Variants in BMP7 observed in about 807,000 individuals in gnomAD.
BMP7 encodes the protein bone morphogenetic protein 7.
BMP7 carries 12 observed loss-of-function variants against 41.2 expected under a neutral mutation model. That is an observed-to-expected ratio of 0.29 (90% CI 0.19 to 0.47). The LOEUF is 0.47. Among genes scored for constraint, BMP7 ranks in the 20% least tolerant of loss-of-function variants. BMP7 has a pLI of 0.99. For missense variants in BMP7, 467 were observed against 606.0 expected (o/e 0.77, Z 2.41); for synonymous variants, 248 against 250.0 (o/e 0.99, Z 0.07).
chr20:57,212,681 G>C (rs1289845066), intron 2 of BMP7, among the ~76,000 whole-genome samples: 1 of 152,232 alleles, frequency 6.6e-6, no homozygotes, highest in African/African-American at 2.4e-5. Flanking sequence ...ACAGGCTTGC[G>C]GCTGCGGTGA....
At chr20:57,210,914 G>A (rs1381457571) in intron 2 of BMP7, among the ~76,000 whole-genome samples, 2 of 152,248 alleles carry the variant, frequency 1.3e-5, no homozygotes, top group Non-Finnish European at 2.9e-5. Flanking sequence ...GGCTGAACGA[G>A]GATTAGACAC....
chr20:57,196,431 T>C (rs1984493127), intron 3 of BMP7, among the ~76,000 whole-genome samples: 1 of 152,212 alleles, frequency 6.6e-6, no homozygotes, highest in Non-Finnish European at 1.5e-5. Flanking sequence ...CAAATCTTCA[T>C]TTTGTTCAAG....
chr20:57,175,887 C>T (rs1983913069), intron 4 of BMP7, among the ~76,000 whole-genome samples: 1 of 152,182 alleles, frequency 6.6e-6, no homozygotes, highest in Non-Finnish European at 1.5e-5. Context: ...CAAGCTCACT[C>T]CCACCGCAGG....
chr20:57,178,273 G>A (rs1262135694), intron 4 of BMP7, among the ~76,000 whole-genome samples: 2 of 152,200 alleles, frequency 1.3e-5, no homozygotes, highest in South Asian at 2.1e-4. Flanking sequence ...ATCAGAGGCA[G>A]GCACTGAGCC....
chr20:57,175,085 T>C, intron 4 of BMP7, 78 bp from the exon 5 acceptor site: 1 of 1,427,808 alleles, frequency 7.0e-7, no homozygotes, highest in Non-Finnish European at 9.6e-7. Flanking sequence ...CCCTCCATCT[T>C]AGGCAGTGAT....
chr20:57,234,173 C>G (rs1568724643), intron 1 of BMP7, among the ~76,000 whole-genome samples: 1 of 152,222 alleles, frequency 6.6e-6, no homozygotes, highest in Non-Finnish European at 1.5e-5. Context: ...GAGCCACCAT[C>G]TTGTTCCATG....
chr20:57,177,936 T>C (rs1034507208), intron 4 of BMP7: 3 of 151,988 alleles, frequency 2.0e-5, no homozygotes, highest in Non-Finnish European at 4.4e-5. Flanking sequence ...ATGAGATGAG[T>C]CCCAGGTGTA....
At chr20:57,183,507 G>A (rs1984134522) in intron 4 of BMP7, among the ~76,000 whole-genome samples, 1 of 152,130 alleles carries the variant, frequency 6.6e-6, no homozygotes, top group Non-Finnish European at 1.5e-5. Context: ...TGTGTTATAC[G>A]AATGTTTTGC....
chr20:57,199,305 T>C (rs1984570380), intron 3 of BMP7, among the ~76,000 whole-genome samples: 1 of 152,188 alleles, frequency 6.6e-6, no homozygotes, highest in African/African-American at 2.4e-5. Flanking sequence ...CAGGCTGCCC[T>C]AGGCACCGTG....
At chr20:57,217,905 G>A (rs892108953) in intron 2 of BMP7, among the ~76,000 whole-genome samples, 1 of 152,232 alleles carries the variant, frequency 6.6e-6, no homozygotes, top group African/African-American at 2.4e-5. Context: ...TGCTGTGTCT[G>A]TGTCTGTGTT....
In BMP7 at chr20:57,170,766, T is replaced by C. The variant is rs6025419; in HGVS notation, c.*193A>G. On this transcript the variant is annotated 3_prime_UTR_variant, in exon 7 of 7. Transcript: ENST00000395863. ...TGCACAGCTTGTAGGATCTTGTTCA[T>C]TGGATGCTGCCACTGAAAAACTGAT... 2.3e-5 allele frequency: 16 copies of C among 705,770 alleles called. No individual in the cohort carries two copies. The African/African-American group carries it at 2.7e-4, about 12-fold the overall frequency. The allele number at this position is 705,770 out of a possible 1,614,324, so 43.7% of individuals were successfully genotyped here.
At chr20:57,247,564 G>A (rs6025464) in intron 1 of BMP7, among the ~76,000 whole-genome samples, 13,693 of 152,166 alleles carry the variant, frequency 0.09, 2,025 homozygotes, top group African/African-American at 0.31. Context: ...ACCCTATCAC[G>A]TTAGTCTCCC....
intron 2 of BMP7, among the ~76,000 whole-genome samples, chr20:57,212,396 G>T (rs974708040): frequency 2.0e-5 from 3 of 152,194 alleles, no homozygotes; most frequent in Non-Finnish European, 2.9e-5. Context: ...CTTGCTGAGC[G>T]CTGGGAAGCC....
intron 3 of BMP7, 142 bp downstream of exon 3, chr20:57,202,333 G>T: frequency 8.4e-7 from 1 of 1,187,804 alleles, no homozygotes; most frequent in Non-Finnish European, 1.2e-6. Flanking sequence ...TTCTGGTTTG[G>T]ATCAAAAGGC....
intron 1 of BMP7, among the ~76,000 whole-genome samples, chr20:57,232,164 G>A (rs2066031721): frequency 6.6e-6 from 1 of 152,216 alleles, no homozygotes; most frequent in Admixed American, 6.5e-5. Context: ...CTTACCAGCT[G>A]TGTGACCTTC....
Position 57,213,131 on chromosome 20 carries a change from C to T in BMP7, c.612-10508G>A, listed in dbSNP as rs576108801. Among the ~76,000 whole-genome samples, 2 of 152,350 alleles carry T rather than the reference C, an allele frequency of 1.3e-5. No homozygotes were observed. The highest frequency in any genetic ancestry group is 1.9e-4 in the East Asian group (1 of 5,178). On this transcript the variant is annotated intron_variant, in intron 2 of 6. Transcript: ENST00000395863. This position sits in a 1 kb window ranked among gnomAD's most constrained non-coding sequence, Gnocchi z 4.4. ...CTCGGGTGGCCACCCACGGCCCTCT[C>T]ACCCACCCCACGGCTGTCTGTCTCC...
At chr20:57,184,306 G>A (rs1375522881) in intron 3 of BMP7, among the ~76,000 whole-genome samples, 5 of 152,174 alleles carry the variant, frequency 3.3e-5, no homozygotes, top group African/African-American at 7.2e-5. Flanking sequence ...ATCTTGCTCC[G>A]TGCCAGGGAA....
At chr20:57,182,532 G>T (rs949118815) in intron 4 of BMP7, among the ~76,000 whole-genome samples, 3 of 152,226 alleles carry the variant, frequency 2.0e-5, no homozygotes, top group Non-Finnish European at 4.4e-5. Context: ...GCTCATCCAG[G>T]CCAGGTAGAT....
chr20:57,258,117 C>A (rs79256288), intron 1 of BMP7, among the ~76,000 whole-genome samples: 3,130 of 152,210 alleles, frequency 0.021, 123 homozygotes, highest in African/African-American at 0.071. Context: ...GAAAGCTACT[C>A]CAGGGAGATA....
Sources: allele counts gnomAD v4.1 joint callset (sites outside exome capture counted in the v4.1 genomes callset), GRCh38; gene constraint gnomAD v4.1.1; non-coding constraint Gnocchi (gnomAD v3.1); transcripts MANE v1.5; gene names NCBI Gene and HGNC (gene_info 2026-07-23, HGNC 2026-07-21).